ZNF69: variants seen among roughly 807,000 people sequenced by gnomAD.
ZNF69 encodes the protein ZNF3.
Under a neutral mutation model 50.9 loss-of-function variants are expected in ZNF69, and 47 were observed. The ratio of observed to expected loss-of-function variants is 0.92; its 90% CI spans 0.73 to 1.18. The LOEUF (loss-of-function observed/expected upper bound fraction) is 1.18, where lower values mean the gene tolerates loss of function less well. Among genes scored for constraint, ZNF69 ranks in the 50% most tolerant of loss-of-function variants. The probability of loss-of-function intolerance (pLI) is 0.00; values close to 1 mark genes in which losing one functional copy is unlikely to be tolerated. For synonymous variants in ZNF69, 216 were observed against 223.1 expected, an observed-to-expected ratio of 0.97 and a Z score of 0.29; for missense variants, 717 against 675.1, an observed-to-expected ratio of 1.06 and a Z score of -0.69.
At chr19:11,948,983 C>A in the ZNF69 span, 1 of 1,608,510 alleles carries the variant, frequency 6.2e-7, no homozygotes, top group South Asian at 1.1e-5. Context: ...TATACCAGTT[C>A]TCTTCGTAGA....
At chr19:11,948,677 G>A in the ZNF69 span, 1 of 1,612,006 alleles carries the variant, frequency 6.2e-7, no homozygotes, top group Non-Finnish European at 8.5e-7. Flanking sequence ...ATGCACAGTG[G>A]GGATGGAACT....
At position 11,890,315 on chromosome 19, in the gene ZNF69, C is replaced by T. The variant is rs112864842; in HGVS notation, c.63+2329C>T. 6.8e-3 allele frequency among the ~76,000 whole-genome samples: 1,031 copies of T among 152,298 alleles called. 6 individuals carry two copies. Among genetic ancestry groups the T allele is most frequent in the Non-Finnish European group, 0.011 (750 of 68,032 alleles). ...TTGGGCAGAGGTCCCTGCGGCTTTC[C>T]GCAGTGCACTGTGCCCCTGGTTAAC... On this transcript the variant is annotated intron_variant, in intron 1 of 3. Coordinates refer to ENST00000429654, the MANE Select transcript of ZNF69 (RefSeq NM_001364730.1).
intron 3 of ZNF69, 27 bp downstream of exon 3, chr19:11,903,992 G>A (rs1323208357): frequency 3.7e-6 from 6 of 1,607,298 alleles, no homozygotes; most frequent in Admixed American, 3.3e-5. Flanking sequence ...AGACAAAGCA[G>A]TGTCTCTCTA....
chr19:11,911,634 G>C (rs11085799), downstream of ZNF69, among the ~76,000 whole-genome samples: 58,882 of 151,936 alleles, frequency 0.39, 13,991 homozygotes, highest in East Asian at 0.62. Flanking sequence ...AGAACACTTG[G>C]ACACAGGGAG....
chr19:11,934,876 T>C, the ZNF69 span, among the ~76,000 whole-genome samples: 1 of 147,708 alleles, frequency 6.8e-6, no homozygotes, highest in Non-Finnish European at 1.5e-5. Context: ...TCCTGTCATA[T>C]GTTTGCCATA....
the ZNF69 span, among the ~76,000 whole-genome samples, chr19:11,919,466 A>T: frequency 6.6e-6 from 1 of 151,902 alleles, no homozygotes. Flanking sequence ...TCCTCAAAAT[A>T]TATACTTGGA....
the ZNF69 span, chr19:11,947,412 A>C: frequency 1.2e-6 from 2 of 1,602,568 alleles, no homozygotes; most frequent in Non-Finnish European, 1.7e-6. Flanking sequence ...TACCTTGATG[A>C]ATAAATGAGG....
At chr19:11,953,751 C>T in the ZNF69 span, among the ~76,000 whole-genome samples, 1 of 152,264 alleles carries the variant, frequency 6.6e-6, no homozygotes, top group Non-Finnish European at 1.5e-5. Flanking sequence ...AGGGGCCTTC[C>T]CCAGAGGCCT....
the ZNF69 span, among the ~76,000 whole-genome samples, chr19:11,956,278 C>A: frequency 6.6e-6 from 1 of 152,072 alleles, no homozygotes; most frequent in African/African-American, 2.4e-5. Flanking sequence ...ACTTATAGCC[C>A]AAGAACAAGG....
At chr19:11,968,459 C>T in the ZNF69 span, among the ~76,000 whole-genome samples, 2 of 152,060 alleles carry the variant, frequency 1.3e-5, no homozygotes, top group African/African-American at 4.8e-5. Context: ...TCAGGCTGGT[C>T]TCTTGCTCCT....
the ZNF69 span, among the ~76,000 whole-genome samples, chr19:11,966,640 C>T: frequency 6.6e-5 from 10 of 152,204 alleles, no homozygotes; most frequent in South Asian, 2.1e-4. Context: ...TCCCAGTGTG[C>T]GGGGATTACA....
chr19:11,951,606 C>A, the ZNF69 span, among the ~76,000 whole-genome samples: 1 of 152,124 alleles, frequency 6.6e-6, no homozygotes, highest in African/African-American at 2.4e-5. Context: ...CCCAAAACCA[C>A]CAGTGCCATA....
the ZNF69 span, among the ~76,000 whole-genome samples, chr19:11,954,054 CAG>C: frequency 2.6e-5 from 4 of 151,874 alleles, no homozygotes; most frequent in Non-Finnish European, 4.4e-5. Flanking sequence ...GGTGAAAAAA[CAG>C]GAAAAAAATT....
At chr19:11,978,894 T>C in the ZNF69 span, 29,188 of 1,614,052 alleles carry the variant, frequency 0.018, 315 homozygotes, top group African/African-American at 0.026. Flanking sequence ...ATTCCGTAGT[T>C]ACAGATCCTA....
the ZNF69 span, among the ~76,000 whole-genome samples, chr19:11,941,641 C>T: frequency 2.6e-4 from 39 of 152,298 alleles, 1 homozygote; most frequent in East Asian, 4.6e-3. Flanking sequence ...GGCCCGCAAG[C>T]GCCGCGCGCA....
chr19:11,970,494 C>T, the ZNF69 span, among the ~76,000 whole-genome samples: 1 of 152,174 alleles, frequency 6.6e-6, no homozygotes. Flanking sequence ...TAACAGGTAA[C>T]TCTAGAATTA....
chr19:11,970,414 CTGTTA>C, the ZNF69 span, among the ~76,000 whole-genome samples: 2 of 152,124 alleles, frequency 1.3e-5, no homozygotes. Context: ...AAGTTTTCTT[CTGTTA>C]TAACAACGTT....
At chr19:11,944,485 C>G in the ZNF69 span, among the ~76,000 whole-genome samples, 3 of 152,180 alleles carry the variant, frequency 2.0e-5, no homozygotes, top group African/African-American at 7.2e-5. Flanking sequence ...TTGCTGTCTT[C>G]TGTACCAAGT....
chr19:11,943,897 C>T, the ZNF69 span, among the ~76,000 whole-genome samples: 12 of 152,146 alleles, frequency 7.9e-5, no homozygotes, highest in Admixed American at 1.3e-4. Context: ...AGGAGCAGGG[C>T]TTGTCGTCTT....
Sources: gnomAD v4.1 joint callset for allele counts (sites outside exome capture counted in the v4.1 genomes callset) on GRCh38, gnomAD v4.1.1 for gene constraint, MANE v1.5 for transcripts, NCBI Gene and HGNC (gene_info 2026-07-23, HGNC 2026-07-21) for gene names.